The following EFNA5 variants were observed in gnomAD, a reference collection of about 807,000 sequenced individuals.
EFNA5 encodes ephrin A5.
A neutral mutation model predicts 22.9 loss-of-function variants in EFNA5; 5 were observed. That is an observed-to-expected ratio of 0.22 (90% CI 0.11 to 0.46). EFNA5 has a LOEUF of 0.46. Ranked by LOEUF, EFNA5 falls within the 20% of genes least tolerant of loss-of-function variation. The pLI is 0.99. For missense variants in EFNA5, 237 were observed against 293.3 expected (o/e 0.81, Z 1.40); for synonymous variants, 113 against 112.2 (o/e 1.01, Z -0.04).
intron 1 of EFNA5, among the ~76,000 whole-genome samples, chr5:107,432,470 A>T (rs1561383712): frequency 1.3e-5 from 2 of 152,184 alleles, no homozygotes; most frequent in Non-Finnish European, 2.9e-5. Context: ...CCATTGTATC[A>T]GCAGTTCTAT....
At chr5:107,431,409 A>G (rs1450438935) in intron 1 of EFNA5, among the ~76,000 whole-genome samples, 1 of 152,210 alleles carries the variant, frequency 6.6e-6, no homozygotes, top group Non-Finnish European at 1.5e-5. Flanking sequence ...TTCTGGCCAT[A>G]CTGTGAAGGA....
chr5:107,525,454 A>T (rs1285793251), intron 1 of EFNA5, among the ~76,000 whole-genome samples: 1 of 152,188 alleles, frequency 6.6e-6, no homozygotes, highest in Non-Finnish European at 1.5e-5. Flanking sequence ...TTGAAAATCC[A>T]TGTATAACTT....
intron 1 of EFNA5, among the ~76,000 whole-genome samples, chr5:107,582,880 A>G (rs1749100371): frequency 6.6e-6 from 1 of 152,182 alleles, no homozygotes; most frequent in Non-Finnish European, 1.5e-5. Context: ...TAGATAGAAG[A>G]TTAGCTTTTC....
chr5:107,460,479 C>A (rs1038680373), intron 1 of EFNA5, among the ~76,000 whole-genome samples: 3 of 152,178 alleles, frequency 2.0e-5, no homozygotes, highest in South Asian at 2.1e-4. Context: ...GGCTCAGTTG[C>A]AGTCTGTCAC....
At chr5:107,469,193 A>C (rs564886826) in intron 1 of EFNA5, among the ~76,000 whole-genome samples, 14 of 152,198 alleles carry the variant, frequency 9.2e-5, no homozygotes, top group Non-Finnish European at 1.9e-4. Flanking sequence ...CCATGTGACT[A>C]CCCCAGCCCA....
rs990421566 is a variant in EFNA5, at chr5:107,437,362, A to G, written c.126-9853T>C. ...TGGCACGTGCAAGGTAATTACTTCT[A>G]TTTGGCCAGTTAGGACCTTGTGAGC... On this transcript the variant is annotated intron_variant, in intron 1 of 4. Coordinates refer to ENST00000333274, the MANE Select transcript of EFNA5 (RefSeq NM_001962.3). Among the ~76,000 whole-genome samples the G allele has an allele frequency of 6.6e-5, 10 of 152,298 alleles. 1 individual carries two copies. Among genetic ancestry groups the G allele is most frequent in the East Asian group, 3.9e-4 (2 of 5,186 alleles).
At chr5:107,552,641 A>C (rs535032585) in intron 1 of EFNA5, among the ~76,000 whole-genome samples, 1 of 152,372 alleles carries the variant, frequency 6.6e-6, no homozygotes, top group African/African-American at 2.4e-5. Context: ...TTATAGTATC[A>C]GTCTGAAATC....
At chr5:107,603,492 A>G (rs1561446748) in intron 1 of EFNA5, among the ~76,000 whole-genome samples, 1 of 152,190 alleles carries the variant, frequency 6.6e-6, no homozygotes, top group East Asian at 1.9e-4. Context: ...ATTCTGAACA[A>G]TACGCATGAA....
intron 1 of EFNA5, among the ~76,000 whole-genome samples, chr5:107,588,232 G>A (rs1054614636): frequency 1.3e-5 from 2 of 149,022 alleles, no homozygotes; most frequent in Non-Finnish European, 3.0e-5. Flanking sequence ...ATTATTTTTC[G>A]TTAAAAAAAA....
At chr5:107,533,452 C>A (rs1388897357) in intron 1 of EFNA5, among the ~76,000 whole-genome samples, 2 of 152,170 alleles carry the variant, frequency 1.3e-5, no homozygotes, top group East Asian at 3.8e-4. Flanking sequence ...AGAAGAATAA[C>A]TATAATACTT....
intron 1 of EFNA5, among the ~76,000 whole-genome samples, chr5:107,668,439 A>T (rs560115607): frequency 1.3e-5 from 2 of 152,326 alleles, no homozygotes; most frequent in African/African-American, 4.8e-5. Context: ...AGATAACCTA[A>T]GATAAAATGT....
At chr5:107,659,342 G>C (rs1161064831) in intron 1 of EFNA5, among the ~76,000 whole-genome samples, 1 of 152,102 alleles carries the variant, frequency 6.6e-6, no homozygotes, top group East Asian at 1.9e-4. Flanking sequence ...ATAGGACCAA[G>C]TTCTGATTCT....
Position 107,387,140 on chromosome 5 carries a change from A to C in EFNA5, c.565+95T>G, listed in dbSNP as rs1747646663. 3.8e-6 allele frequency: 3 copies of C among 791,662 alleles called. No homozygotes were observed. The African/African-American group carries it at 5.2e-5, about 14-fold the overall frequency. 49.0% of individuals were successfully genotyped at this position (791,662 alleles called of 1,614,324 possible). ...GAGCAAAAGCAGAACAACAACTATA[A>C]CATGCAAACATGCAGAGAAGAAGAA... On this transcript the variant is annotated intron_variant, in intron 4 of 4. Transcript: ENST00000333274.
At chr5:107,621,337 G>T (rs1208351178) in intron 1 of EFNA5, among the ~76,000 whole-genome samples, 1 of 152,160 alleles carries the variant, frequency 6.6e-6, no homozygotes, top group Non-Finnish European at 1.5e-5. Context: ...GCAACAGAAA[G>T]CAGCACTGGG....
At chr5:107,443,231 A>G (rs1341702375) in intron 1 of EFNA5, among the ~76,000 whole-genome samples, 1 of 152,234 alleles carries the variant, frequency 6.6e-6, no homozygotes, top group Non-Finnish European at 1.5e-5. Context: ...CCTTTTAGTA[A>G]AGGCAATGAA....
At position 107,387,786 on chromosome 5, in the gene EFNA5, G is replaced by C; in HGVS notation, c.419-15C>G. On this transcript the variant is annotated splice_polypyrimidine_tract_variant and intron_variant, in intron 2 of 4. Coordinates refer to ENST00000333274, the MANE Select transcript of EFNA5 (RefSeq NM_001962.3). ...GATTGCAGAGGCTGTGGGTAACACA[G>C]AGAGAGAGCAGGAAAGAAAGAAGAG... 1 of 1,581,032 alleles carries C rather than the reference G, an allele frequency of 6.3e-7. No individual in the cohort carries two copies. The highest frequency in any genetic ancestry group is 8.7e-7 in the Non-Finnish European group (1 of 1,154,446).
At chr5:107,395,543 A>C (rs1747900260) in intron 2 of EFNA5, among the ~76,000 whole-genome samples, 1 of 152,230 alleles carries the variant, frequency 6.6e-6, no homozygotes, top group Non-Finnish European at 1.5e-5. Context: ...TATATATTTT[A>C]CTATTTTTAA....
chr5:107,425,706 G>GT (rs776270344), intron 2 of EFNA5, among the ~76,000 whole-genome samples: 39 of 152,118 alleles, frequency 2.6e-4, no homozygotes, highest in Admixed American at 4.6e-4. Context: ...AACTGGTACT[G>GT]TTCAATTTCC....
intron 2 of EFNA5, among the ~76,000 whole-genome samples, chr5:107,423,413 T>TAAAAAAAAAAAA (rs11484483): frequency 6.9e-6 from 1 of 145,340 alleles, no homozygotes; most frequent in Non-Finnish European, 1.5e-5. Flanking sequence ...AAAGGAGTAT[T>TAAAAAAAAAAAA]AAAAAAAAAA....
Sources: gnomAD v4.1 joint callset for allele counts (sites outside exome capture counted in the v4.1 genomes callset) on GRCh38, gnomAD v4.1.1 for gene constraint, MANE v1.5 for transcripts, NCBI Gene and HGNC (gene_info 2026-07-23, HGNC 2026-07-21) for gene names.